Variants in SLC4A7 observed in about 807,000 individuals in gnomAD.
SLC4A7 encodes sodium bicarbonate cotransporter 3.
Under a neutral mutation model 137.6 loss-of-function variants are expected in SLC4A7, and 51 were observed. The ratio of observed to expected loss-of-function variants is 0.37; its 90% CI spans 0.30 to 0.47. The LOEUF is 0.47. Ranked by LOEUF, SLC4A7 falls within the 20% of genes least tolerant of loss-of-function variation. The probability of loss-of-function intolerance (pLI) is 1.00; values close to 1 mark genes in which losing one functional copy is unlikely to be tolerated. For missense variants in SLC4A7, 1,247 were observed against 1,525.4 expected (o/e 0.82, Z 3.04); for synonymous variants, 542 against 518.6 (o/e 1.05, Z -0.61).
chr3:27,437,121 C>CCCCA (rs2056797786), intron 4 of SLC4A7, among the ~76,000 whole-genome samples: 1 of 152,098 alleles, frequency 6.6e-6, no homozygotes, highest in Non-Finnish European at 1.5e-5. Context: ...GAGGCCTAGA[C>CCCCA]GGGAGGATAA....
chr3:27,425,178 C>G (rs1307387124), intron 7 of SLC4A7, among the ~76,000 whole-genome samples: 2 of 151,854 alleles, frequency 1.3e-5, no homozygotes, highest in African/African-American at 4.8e-5. Flanking sequence ...CAAGACCAGT[C>G]TGGCTAACAT....
chr3:27,442,119 C>T (rs1220195728), intron 3 of SLC4A7, among the ~76,000 whole-genome samples: 1 of 151,930 alleles, frequency 6.6e-6, no homozygotes, highest in African/African-American at 2.4e-5. Context: ...GGTGACAAGG[C>T]AGGTGATCTG....
At chr3:27,398,081 T>C in intron 17 of SLC4A7, 111 bp downstream of exon 17, 1 of 737,432 alleles carries the variant, frequency 1.4e-6, no homozygotes, top group Non-Finnish European at 2.2e-6. Context: ...TATTAACCAG[T>C]TGGCATGGAG....
intron 1 of SLC4A7, among the ~76,000 whole-genome samples, chr3:27,463,448 A>G (rs1233859925): frequency 6.6e-6 from 1 of 151,192 alleles, no homozygotes; most frequent in African/African-American, 2.4e-5. Flanking sequence ...AATACAAAAA[A>G]TACAAAAATT....
chr3:27,478,286 G>C (rs2059550894), intron 1 of SLC4A7, among the ~76,000 whole-genome samples: 1 of 152,210 alleles, frequency 6.6e-6, no homozygotes, highest in South Asian at 2.1e-4. Flanking sequence ...GGGAGGCTGA[G>C]GTGGGCGGAT....
chr3:27,465,681 C>CCGG lies in SLC4A7; in HGVS notation c.61-13186_61-13184dup, dbSNP rs368668926. Among the ~76,000 whole-genome samples the CCGG allele has an allele frequency of 3.5e-3, 528 of 151,940 alleles. 1 individual carries two copies. Among genetic ancestry groups the CCGG allele is most frequent in the African/African-American group, 0.012 (493 of 41,422 alleles). On this transcript the variant is annotated intron_variant, in intron 1 of 25. Transcript: ENST00000454389. ...GGTAGAAAACTGTACAGGAATTAGGCCGGCACCGTGGCTCACGCCTGTAAT... is the reference window on the plus strand; with the variant it reads ...GGTAGAAAACTGTACAGGAATTAGGCCGGCGGCACCGTGGCTCACGCCTGTAAT...
chr3:27,431,388 T>G lies in SLC4A7; in HGVS notation c.1060A>C (p.Thr354Pro), dbSNP rs1360454701. ...LVSPASDDIP[T>P]VVIHPPEEDL... is the part of the protein sequence containing the mutation. ...TCCTCAGGCGGATGAATTACTACTG[T>G]GGGAATATCATCACTGGCAGGTGAA... Residue 354 changes from threonine to proline, a missense_variant, in exon 7 of 26, where the codon ACA (threonine) becomes CCA (proline). Transcript: ENST00000454389. 6 of 1,614,000 alleles carry G rather than the reference T, an allele frequency of 3.7e-6. No individual in the cohort carries two copies. The South Asian group carries it at 6.6e-5, about 18-fold the overall frequency.
chr3:27,470,222 A>C (rs1346734024), intron 1 of SLC4A7, among the ~76,000 whole-genome samples: 10 of 151,852 alleles, frequency 6.6e-5, no homozygotes, highest in Non-Finnish European at 1.0e-4. Context: ...AGCTAATTGT[A>C]GATCTTTTTT....
intron 1 of SLC4A7, among the ~76,000 whole-genome samples, chr3:27,464,743 C>A (rs985133418): frequency 4.1e-4 from 62 of 151,736 alleles, no homozygotes; most frequent in African/African-American, 1.4e-3. Context: ...TGCCTGTAAT[C>A]CTAGTGAGAC....
chr3:27,474,443 A>C (rs2059383504), intron 1 of SLC4A7, among the ~76,000 whole-genome samples: 1 of 152,202 alleles, frequency 6.6e-6, no homozygotes. Flanking sequence ...AAATGGTTAA[A>C]TCATTTAAAG....
At chr3:27,476,189 A>G (rs927852439) in intron 1 of SLC4A7, among the ~76,000 whole-genome samples, 1 of 152,192 alleles carries the variant, frequency 6.6e-6, no homozygotes, top group South Asian at 2.1e-4. Flanking sequence ...TGTATTTAAA[A>G]GTGGTGAAAA....
At chr3:27,416,609 A>G (rs981272282) in intron 11 of SLC4A7, among the ~76,000 whole-genome samples, 1 of 152,232 alleles carries the variant, frequency 6.6e-6, no homozygotes, top group African/African-American at 2.4e-5. Context: ...AAACTTTCCA[A>G]TGTTTATTGA....
intron 3 of SLC4A7, among the ~76,000 whole-genome samples, chr3:27,448,216 C>CAAAAA (rs34846975): frequency 4.8e-5 from 5 of 104,332 alleles, no homozygotes; most frequent in African/African-American, 7.0e-5. Flanking sequence ...GACTCCATCT[C>CAAAAA]AAAAAAAAAA....
intron 18 of SLC4A7, 120 bp downstream of exon 18, chr3:27,397,564 G>C: frequency 1.6e-6 from 1 of 633,292 alleles, no homozygotes; most frequent in Non-Finnish European, 2.8e-6. Context: ...TCCTTTCAAA[G>C]CATCAGCCCT....
Position 27,403,265 on chromosome 3 carries a change from G to A in SLC4A7, c.2195C>T (p.Thr732Ile), listed in dbSNP as rs1321738092. The A allele has an allele frequency of 6.2e-7, 1 of 1,613,888 alleles. No individual in the cohort carries two copies. Among genetic ancestry groups the A allele is most frequent in the Non-Finnish European group, 8.5e-7 (1 of 1,179,984 alleles). Residue 732 changes from threonine (T) to isoleucine (I), a missense_variant, in exon 15 of 26, where the codon ACA becomes ATA. Transcript: ENST00000454389. The stretch of plus-strand genomic sequence containing the variant: ...AATAAGGGCTGCAAAAGCCTCTTCT[G>A]TAAATCGAGTAATATAACACACAAG... ...SSLVCYITRF[T>I]EEAFAALICI...
chr3:27,415,543 T>A (rs1333997589), intron 11 of SLC4A7, among the ~76,000 whole-genome samples: 1 of 152,230 alleles, frequency 6.6e-6, no homozygotes, highest in Non-Finnish European at 1.5e-5. Flanking sequence ...AGTATTTTCA[T>A]CTGCATTAAA....
intron 2 of SLC4A7, 117 bp from the exon 3 acceptor site, chr3:27,448,914 G>A: frequency 1.7e-6 from 1 of 592,688 alleles, no homozygotes; most frequent in Non-Finnish European, 2.7e-6. Context: ...ATTAACAATG[G>A]TAGTCTCCAG....
intron 1 of SLC4A7, chr3:27,456,889 A>AT: frequency 7.3e-7 from 1 of 1,361,370 alleles, no homozygotes; most frequent in Middle Eastern, 2.0e-4. Context: ...GGGTCACAGC[A>AT]TAACAGATTT....
Position 27,376,605 on chromosome 3 carries a change from T to C in SLC4A7, c.*159A>G. ...CAAAGAGAGCATTTCATTAAATACA[T>C]AGTCTCCACGGTGCTCATTACAAAC... On this transcript the variant is annotated 3_prime_UTR_variant, in exon 26 of 26. Transcript: ENST00000454389. 4.7e-6 allele frequency: 2 copies of C among 422,610 alleles called. No individual in the cohort carries two copies. Among genetic ancestry groups the C allele is most frequent in the Non-Finnish European group, 8.5e-6 (2 of 234,508 alleles). 26.2% of individuals were successfully genotyped at this position (422,610 alleles called of 1,614,324 possible).
Sources: gnomAD v4.1 joint callset for allele counts (sites outside exome capture counted in the v4.1 genomes callset) on GRCh38, gnomAD v4.1.1 for gene constraint, MANE v1.5 for transcripts, NCBI Gene and HGNC (gene_info 2026-07-23, HGNC 2026-07-21) for gene names.